LAMA1: variants seen among roughly 807,000 people sequenced by gnomAD.
LAMA1 encodes laminin subunit alpha-1.
LAMA1 carries 219 observed loss-of-function variants against 348.7 expected under a neutral mutation model. That is an observed-to-expected ratio of 0.63 (90% confidence interval 0.56 to 0.70). LAMA1 has a LOEUF of 0.70. Among genes scored for constraint, LAMA1 ranks in the 30% least tolerant of loss-of-function variants. The pLI, the probability that LAMA1 is intolerant of heterozygous loss-of-function variation, is 0.00. For missense variants in LAMA1, 3,744 were observed against 3,888.0 expected (o/e 0.96, Z 0.99); for synonymous variants, 1,487 against 1,491.0 (o/e 1.00, Z 0.06).
intron 1 of LAMA1, among the ~76,000 whole-genome samples, chr18:7,116,973 A>C (rs2058359497): frequency 6.6e-6 from 1 of 151,948 alleles, no homozygotes; most frequent in Non-Finnish European, 1.5e-5. Flanking sequence ...GCCCACGGTC[A>C]ATCCCGCGCA....
At chr18:7,056,078 CAA>C (rs745622734) in intron 3 of LAMA1, among the ~76,000 whole-genome samples, 2 of 116,730 alleles carry the variant, frequency 1.7e-5, no homozygotes, top group Non-Finnish European at 1.8e-5. Context: ...AGACTGTCTC[CAA>C]AAAAAAAAAA....
chr18:6,977,388 A>G (rs1393640203), intron 44 of LAMA1, among the ~76,000 whole-genome samples: 3 of 152,240 alleles, frequency 2.0e-5, no homozygotes, highest in African/African-American at 7.2e-5. Flanking sequence ...CCATAAACTT[A>G]AGAGTGATGT....
At chr18:7,114,868 T>C (rs927145111) in intron 1 of LAMA1, among the ~76,000 whole-genome samples, 1 of 152,202 alleles carries the variant, frequency 6.6e-6, no homozygotes, top group Non-Finnish European at 1.5e-5. Flanking sequence ...TATGAGTTTA[T>C]AAAGCAGTGC....
chr18:7,028,705 A>G (rs563581525), intron 16 of LAMA1, among the ~76,000 whole-genome samples: 68 of 152,346 alleles, frequency 4.5e-4, no homozygotes, highest in Middle Eastern at 6.8e-3. Context: ...AAAAAATATG[A>G]AAAACCTTCC....
chr18:7,104,119 C>T (rs112479893), intron 1 of LAMA1, among the ~76,000 whole-genome samples: 4,711 of 152,026 alleles, frequency 0.031, 231 homozygotes, highest in African/African-American at 0.1. Context: ...GCTGGGATTA[C>T]AGGCGACCGC....
chr18:6,972,463 T>G (rs958481738), intron 47 of LAMA1, among the ~76,000 whole-genome samples: 3 of 152,174 alleles, frequency 2.0e-5, no homozygotes, highest in Admixed American at 6.5e-5. Flanking sequence ...ATAAAGAAAC[T>G]TTACAGAAAT....
intron 41 of LAMA1, among the ~76,000 whole-genome samples, chr18:6,981,594 C>T (rs900912013): frequency 1.3e-5 from 2 of 152,156 alleles, no homozygotes; most frequent in Non-Finnish European, 2.9e-5. Flanking sequence ...TCTAGTTGTA[C>T]AGACTGAAAT....
intron 1 of LAMA1, among the ~76,000 whole-genome samples, chr18:7,081,047 G>C (rs1008918173): frequency 2.6e-5 from 4 of 151,930 alleles, no homozygotes; most frequent in Non-Finnish European, 4.4e-5. Context: ...AGAAGCTGTG[G>C]AGAAAAGGGA....
At chr18:6,981,053 A>C (rs1445986826) in intron 41 of LAMA1, among the ~76,000 whole-genome samples, 1 of 151,812 alleles carries the variant, frequency 6.6e-6, no homozygotes, top group Non-Finnish European at 1.5e-5. Context: ...CAGTGAGCTG[A>C]GATCGTGCCA....
chr18:7,038,844 T>C lies in LAMA1; in HGVS notation c.1529A>G (p.Asp510Gly), dbSNP rs1216520872. ...AGGCCAAGAGAGGCTGCTGCAGACA[T>C]CAGAAACGCCAAAGCAGAAGCACTC... ...CSECFCFGVS[D>G]VCSSLSWPVG... Residue 510 changes from aspartate to glycine, a missense_variant, in exon 11 of 63, where the codon GAT becomes GGT. Coordinates refer to ENST00000389658, the MANE Select transcript of LAMA1 (RefSeq NM_005559.4). 1.9e-6 allele frequency: 3 copies of C among 1,614,170 alleles called. No homozygotes were observed. Among genetic ancestry groups the C allele is most frequent in the Admixed American group, 3.3e-5 (2 of 60,036 alleles).
At chr18:6,955,615 G>T in intron 56 of LAMA1, 150 bp from the exon 57 acceptor site, 1 of 703,644 alleles carries the variant, frequency 1.4e-6, no homozygotes, top group South Asian at 1.5e-5. Flanking sequence ...TCCATCTTCG[G>T]TTTAAATGAT....
rs963603596 is a variant in LAMA1 at position 7,041,509 on chromosome 18, A to G, written c.1261+636T>C. Reference sequence around the variant, plus strand: ...CTGGTCGATATCCATTTTAACTGCCAGTGGCTGAGAACTTGATGGGGTCAC... The same window carrying G: ...CTGGTCGATATCCATTTTAACTGCCGGTGGCTGAGAACTTGATGGGGTCAC... On this transcript the variant is annotated intron_variant, in intron 9 of 62. Coordinates refer to ENST00000389658, the MANE Select transcript of LAMA1 (RefSeq NM_005559.4). Among the ~76,000 whole-genome samples the G allele has an allele frequency of 2.6e-5, 4 of 152,194 alleles. 1 individual carries two copies. Among genetic ancestry groups the G allele is most frequent in the Non-Finnish European group, 5.9e-5 (4 of 68,042 alleles).
chr18:6,973,172 A>G lies in LAMA1; in HGVS notation c.6659T>C (p.Met2220Thr). 4 of 1,614,168 alleles carry G rather than the reference A, an allele frequency of 2.5e-6. No individual in the cohort carries two copies. The highest frequency in any genetic ancestry group is 3.4e-6 in the Non-Finnish European group (4 of 1,180,006). The change falls in exon 47 of 63, where the codon ATG becomes ACG. Residue 2220 changes from methionine to threonine, a missense_variant. This residue lies in a region of LAMA1 where 1,983 missense variants were observed against 1,934.3 expected (regional missense o/e 1.03). Coordinates refer to ENST00000389658, the MANE Select transcript of LAMA1 (RefSeq NM_005559.4). ...GNIGSLSVKE[M>T]SSNQKSPTKT... ...TGTTGGTGACTTTTGATTTGAGCTC[A>G]TTTCCTTTACACTCAGTGAACCAAT...
At chr18:6,943,045 G>C (rs1452796297) in intron 62 of LAMA1, 135 bp downstream of exon 62, 2 of 749,024 alleles carry the variant, frequency 2.7e-6, no homozygotes, top group Non-Finnish European at 4.7e-6. Flanking sequence ...ATTTGAAATA[G>C]CCTTTCTAAA....
intron 35 of LAMA1, among the ~76,000 whole-genome samples, chr18:6,993,178 C>T (rs184437551): frequency 1.2e-4 from 19 of 152,232 alleles, no homozygotes; most frequent in African/African-American, 3.9e-4. Flanking sequence ...TAAGCCCTTA[C>T]ACTATAATAT....
At chr18:7,105,924 G>A (rs887837214) in intron 1 of LAMA1, among the ~76,000 whole-genome samples, 2 of 152,178 alleles carry the variant, frequency 1.3e-5, no homozygotes, top group African/African-American at 4.8e-5. Context: ...GTGCAACAAT[G>A]AACCATCAGG....
chr18:6,982,100 A>C (rs1305482157), intron 41 of LAMA1, among the ~76,000 whole-genome samples: 1 of 152,190 alleles, frequency 6.6e-6, no homozygotes, highest in African/African-American at 2.4e-5. Flanking sequence ...TATTAGTTCC[A>C]TGAGAAAGGT....
chr18:7,116,810 T>G (rs2058358448), intron 1 of LAMA1, among the ~76,000 whole-genome samples: 1 of 149,678 alleles, frequency 6.7e-6, no homozygotes, highest in Non-Finnish European at 1.5e-5. Context: ...TCTCTTTCTT[T>G]TCTCTTTCTC....
chr18:7,112,473 C>T (rs956539804), intron 1 of LAMA1, among the ~76,000 whole-genome samples: 3 of 151,918 alleles, frequency 2.0e-5, no homozygotes, highest in African/African-American at 4.8e-5. Flanking sequence ...CATCTTTAGA[C>T]GCTTATCCAA....
Sources: allele counts gnomAD v4.1 joint callset (sites outside exome capture counted in the v4.1 genomes callset), GRCh38; gene constraint gnomAD v4.1.1; regional missense constraint gnomAD v4.1.1; transcripts MANE v1.5; gene names NCBI Gene and HGNC (gene_info 2026-07-23, HGNC 2026-07-21).